The following PDE7B variants were observed in gnomAD, a reference collection of about 807,000 sequenced individuals.
PDE7B encodes the protein 3',5'-cyclic-AMP phosphodiesterase 7B.
Under a neutral mutation model 56.2 loss-of-function variants are expected in PDE7B, and 29 were observed. The observed-to-expected ratio is 0.52, with a 90% CI of 0.38 to 0.70. The LOEUF is 0.70. Ranked by LOEUF, PDE7B falls within the 30% of genes least tolerant of loss-of-function variation. The pLI, the probability that PDE7B is intolerant of heterozygous loss-of-function variation, is 0.00. For synonymous variants in PDE7B, 197 were observed against 196.9 expected, an observed-to-expected ratio of 1.00 and a Z score of 0.00; for missense variants, 490 against 565.0, an observed-to-expected ratio of 0.87 and a Z score of 1.35.
chr6:136,052,875 A>G (rs1466165224), intron 2 of PDE7B, among the ~76,000 whole-genome samples: 1 of 151,910 alleles, frequency 6.6e-6, no homozygotes, highest in Non-Finnish European at 1.5e-5. Context: ...CTTCCCTCAT[A>G]TGACTACACT....
intron 9 of PDE7B, among the ~76,000 whole-genome samples, chr6:136,176,484 C>A (rs1778978764): frequency 2.0e-5 from 3 of 152,014 alleles, no homozygotes; most frequent in African/African-American, 7.2e-5. Flanking sequence ...CATTGTACTT[C>A]ATAATTGCAC....
At chr6:135,876,359 C>A (rs1775492987) in intron 1 of PDE7B, among the ~76,000 whole-genome samples, 1 of 152,120 alleles carries the variant, frequency 6.6e-6, no homozygotes, top group South Asian at 2.1e-4. Flanking sequence ...CTGAGGGCCA[C>A]CACACTTGTC....
At chr6:136,152,885 T>C (rs1026705893) in intron 6 of PDE7B, among the ~76,000 whole-genome samples, 1 of 152,238 alleles carries the variant, frequency 6.6e-6, no homozygotes, top group Non-Finnish European at 1.5e-5. Flanking sequence ...TAAACACATT[T>C]AATCCTTACT....
At chr6:136,171,151 C>A (rs1219134682) in intron 8 of PDE7B, among the ~76,000 whole-genome samples, 2 of 152,112 alleles carry the variant, frequency 1.3e-5, no homozygotes, top group African/African-American at 4.8e-5. Flanking sequence ...AAGAAATATT[C>A]ATCATTTAAA....
intron 2 of PDE7B, among the ~76,000 whole-genome samples, chr6:135,967,489 A>G (rs1474593954): frequency 6.6e-6 from 1 of 152,182 alleles, no homozygotes; most frequent in Admixed American, 6.5e-5. Context: ...TAGAATTGCT[A>G]GCACCAGAAC....
At chr6:135,954,120 C>G (rs1288281622) in intron 2 of PDE7B, among the ~76,000 whole-genome samples, 1 of 152,190 alleles carries the variant, frequency 6.6e-6, no homozygotes, top group Non-Finnish European at 1.5e-5. Flanking sequence ...CTTTTCATTG[C>G]ACTTATCACT....
chr6:135,992,657 T>C (rs1021195549), intron 2 of PDE7B, among the ~76,000 whole-genome samples: 9 of 152,184 alleles, frequency 5.9e-5, no homozygotes, highest in Admixed American at 2.6e-4. Flanking sequence ...TTGTGGATGG[T>C]TTATATTCAG....
At chr6:136,145,386 A>G (rs1042735870) in intron 3 of PDE7B, among the ~76,000 whole-genome samples, 3 of 152,136 alleles carry the variant, frequency 2.0e-5, no homozygotes, top group Non-Finnish European at 4.4e-5. Context: ...TCTCTAGTAT[A>G]ACAAGGTGCT....
rs1002798830 is a variant in PDE7B at position 136,193,337 on chromosome 6, T to G, written c.*1497T>G. On this transcript the variant is annotated 3_prime_UTR_variant, in exon 13 of 13. Coordinates refer to ENST00000308191, the MANE Select transcript of PDE7B (RefSeq NM_018945.4). ...TTTTCCTTAATCTCATGTGAACAACTACCCAACTGTTTAGCTGAAGTTCAT... is the reference window on the plus strand; with the variant it reads ...TTTTCCTTAATCTCATGTGAACAACGACCCAACTGTTTAGCTGAAGTTCAT... The G allele has an allele frequency of 1.3e-5, 2 of 152,686 alleles. No individual in the cohort carries two copies. Among genetic ancestry groups the G allele is most frequent in the African/African-American group, 2.4e-5 (1 of 41,476 alleles). The allele number at this position is 152,686 out of a possible 1,614,324, so 9.5% of individuals were successfully genotyped here. A position where few individuals can be genotyped will look rare whatever the true frequency, so the allele number is the denominator to read the frequency against.
chr6:136,033,009 A>G (rs1181528329), intron 2 of PDE7B, among the ~76,000 whole-genome samples: 1 of 152,224 alleles, frequency 6.6e-6, no homozygotes, highest in East Asian at 1.9e-4. Flanking sequence ...GCTGTTTTCT[A>G]AGAAGTTGAC....
intron 2 of PDE7B, among the ~76,000 whole-genome samples, chr6:136,052,617 G>GCCCCCCCCCCC (rs11400308): frequency 7.9e-4 from 113 of 142,754 alleles, no homozygotes; most frequent in African/African-American, 1.0e-3. Context: ...TTAGGGTACA[G>GCCCCCCCCCCC]CCCCCCCCCA....
chr6:135,950,124 T>G (rs892559669), intron 2 of PDE7B, among the ~76,000 whole-genome samples: 3 of 152,122 alleles, frequency 2.0e-5, no homozygotes, highest in Admixed American at 6.6e-5. Flanking sequence ...AAAATGATCC[T>G]AGATGATAAA....
In PDE7B at chr6:136,191,700, C is replaced by A. The variant is rs1202355626; in HGVS notation, c.1213C>A (p.His405Asn). 1 of 1,613,390 alleles carries A rather than the reference C, an allele frequency of 6.2e-7. No individual in the cohort carries two copies. The highest frequency in any genetic ancestry group is 1.3e-5 in the African/African-American group (1 of 74,920). The change falls in exon 13 of 13, where the codon CAC (histidine) becomes AAC (asparagine). Residue 405 changes from histidine (H) to asparagine (N), a missense_variant. His to Asn is a moderately conservative substitution (Grantham distance 68). Coordinates refer to ENST00000308191, the MANE Select transcript of PDE7B (RefSeq NM_018945.4). ...CACCCTGTCGGAGAACATGCTGGGC[C>A]ACCTCGCACACAACAAGGCCCAGTG... Reference protein sequence around the residue: ...NSTLSENMLGHLAHNKAQWKS... With the variant: ...NSTLSENMLGNLAHNKAQWKS...
At chr6:135,911,498 A>G (rs1044455528) in intron 1 of PDE7B, among the ~76,000 whole-genome samples, 2 of 152,252 alleles carry the variant, frequency 1.3e-5, no homozygotes, top group Admixed American at 6.5e-5. Context: ...AACAATTTAC[A>G]AAAGTTTATG....
intron 2 of PDE7B, among the ~76,000 whole-genome samples, chr6:136,011,815 G>A (rs907166989): frequency 1.3e-5 from 2 of 152,080 alleles, no homozygotes; most frequent in African/African-American, 4.8e-5. Context: ...TCTGTGGTCA[G>A]ATTTTTACTT....
chr6:136,174,538 C>T (rs1778946513), intron 9 of PDE7B, among the ~76,000 whole-genome samples: 1 of 152,128 alleles, frequency 6.6e-6, no homozygotes, highest in Non-Finnish European at 1.5e-5. Context: ...AAGTTAGCTG[C>T]TAATACTGTC....
At chr6:135,863,662 A>G (rs551416902) in intron 1 of PDE7B, among the ~76,000 whole-genome samples, 1 of 151,748 alleles carries the variant, frequency 6.6e-6, no homozygotes, top group Non-Finnish European at 1.5e-5. Context: ...TGGCGAATTG[A>G]AATTTTACCA....
chr6:136,003,853 A>G (rs1263414562), intron 2 of PDE7B, among the ~76,000 whole-genome samples: 4 of 152,150 alleles, frequency 2.6e-5, no homozygotes, highest in African/African-American at 7.2e-5. Context: ...CTCATTTTAT[A>G]AGGCCAGCAT....
At chr6:136,172,052 G>A (rs1253730496) in intron 8 of PDE7B, among the ~76,000 whole-genome samples, 2 of 151,950 alleles carry the variant, frequency 1.3e-5, no homozygotes, top group Non-Finnish European at 2.9e-5. Context: ...GGACATTTGG[G>A]TTGGTTCCAA....
Sources: allele counts gnomAD v4.1 joint callset (sites outside exome capture counted in the v4.1 genomes callset), GRCh38; gene constraint gnomAD v4.1.1; transcripts MANE v1.5; gene names NCBI Gene and HGNC (gene_info 2026-07-23, HGNC 2026-07-21).